Variants in NKTR observed in about 807,000 individuals in gnomAD.
NKTR encodes NK-tumor recognition protein.
NKTR carries 67 observed loss-of-function variants against 156.3 expected under a neutral mutation model. The observed-to-expected ratio is 0.43, with a 90% confidence interval of 0.35 to 0.53. The LOEUF (loss-of-function observed/expected upper bound fraction) is 0.53, where lower values mean the gene tolerates loss of function less well. Ranked by LOEUF, NKTR falls within the 20% of genes least tolerant of loss-of-function variation. The probability of loss-of-function intolerance (pLI) is 0.01; values close to 1 mark genes in which losing one functional copy is unlikely to be tolerated. For synonymous variants in NKTR, 640 were observed against 596.6 expected, an observed-to-expected ratio of 1.07 and a Z score of -1.06; for missense variants, 1,604 against 1,730.9, an observed-to-expected ratio of 0.93 and a Z score of 1.30.
intron 6 of NKTR, among the ~76,000 whole-genome samples, chr3:42,625,532 C>T (rs1708294920): frequency 6.6e-6 from 1 of 152,056 alleles, no homozygotes. Flanking sequence ...AGTAGTGGAG[C>T]AAGGAGAGTT....
At position 42,646,980 on chromosome 3, in the gene NKTR, T is replaced by A. The variant is rs1228732738; in HGVS notation, c.*1005T>A. ...TGTGTGCCTCTGGAAGAGTGAAGAA[T>A]GGACTTCAAAAGTAACATCAAAAAT... On this transcript the variant is annotated 3_prime_UTR_variant, in exon 17 of 17. Transcript: ENST00000232978. The A allele has an allele frequency of 6.6e-6, 1 of 152,072 alleles. No individual in the cohort carries two copies. The highest frequency in any genetic ancestry group is 6.5e-5 in the Admixed American group (1 of 15,268). The allele number at this position is 152,072 out of a possible 1,614,324, so 9.4% of individuals were successfully genotyped here.
chr3:42,611,693 A>G (rs936569736), intron 2 of NKTR, among the ~76,000 whole-genome samples: 10 of 148,538 alleles, frequency 6.7e-5, no homozygotes, highest in Admixed American at 4.7e-4. Flanking sequence ...AGATCGTGCC[A>G]CTGCACTCCA....
Position 42,639,341 on chromosome 3 carries a change from G to A in NKTR, c.3637G>A (p.Val1213Met). Residue 1213 changes from valine to methionine, a missense_variant, in exon 13 of 17, where the codon GTG becomes ATG. Transcript: ENST00000232978. ...SAGESTGKKEVAEKSQINLID... is the reference protein window; with the variant it reads ...SAGESTGKKEMAEKSQINLID... ...TGGAGAAAGTACCGGGAAGAAGGAGGTGGCTGAGAAGAGCCAGATCAACCT... is the reference window on the plus strand; with the variant it reads ...TGGAGAAAGTACCGGGAAGAAGGAGATGGCTGAGAAGAGCCAGATCAACCT... The A allele has an allele frequency of 6.2e-7, 1 of 1,610,566 alleles. No homozygotes were observed. The highest frequency in any genetic ancestry group is 8.5e-7 in the Non-Finnish European group (1 of 1,176,798).
intron 2 of NKTR, among the ~76,000 whole-genome samples, chr3:42,605,888 C>T (rs1219004682): frequency 1.3e-5 from 2 of 152,264 alleles, no homozygotes; most frequent in South Asian, 2.1e-4. Flanking sequence ...TTAAATAATG[C>T]CATCTTATAG....
chr3:42,640,434 A>G (rs1709785898), intron 13 of NKTR, among the ~76,000 whole-genome samples: 1 of 152,214 alleles, frequency 6.6e-6, no homozygotes, highest in Non-Finnish European at 1.5e-5. Context: ...GTTGTGTTGC[A>G]TTCTTTTTCT....
At chr3:42,633,870 T>G (rs760892044) in intron 10 of NKTR, 135 bp downstream of exon 10, 3 of 916,704 alleles carry the variant, frequency 3.3e-6, no homozygotes, top group Non-Finnish European at 5.1e-6. Context: ...GAGTATTAGA[T>G]TAATGAATGA....
At chr3:42,606,949 G>T (rs1350021587) in intron 2 of NKTR, among the ~76,000 whole-genome samples, 1 of 152,096 alleles carries the variant, frequency 6.6e-6, no homozygotes, top group Admixed American at 6.5e-5. Flanking sequence ...ATAGTGTGGT[G>T]TAGCCTCAAA....
At chr3:42,612,919 G>A (rs992307747) in intron 2 of NKTR, among the ~76,000 whole-genome samples, 2 of 151,630 alleles carry the variant, frequency 1.3e-5, no homozygotes, top group African/African-American at 4.8e-5. Context: ...ATTTTTTCCT[G>A]GTATGTAGTG....
chr3:42,630,952 A>G (rs1708844209), intron 7 of NKTR: 4 of 1,405,614 alleles, frequency 2.8e-6, no homozygotes, highest in Non-Finnish European at 3.7e-6. Flanking sequence ...GTTAAGAACC[A>G]TTGTTTTAAA....
At chr3:42,610,051 T>C (rs1028150115) in intron 2 of NKTR, among the ~76,000 whole-genome samples, 12 of 152,128 alleles carry the variant, frequency 7.9e-5, no homozygotes, top group African/African-American at 2.9e-4. Flanking sequence ...TTGCCCAGGC[T>C]GGAGTGCAAA....
rs1243987615 is a variant in NKTR at position 42,637,101 on chromosome 3, A to C, written c.1397A>C (p.Glu466Ala). Residue 466 changes from glutamate to alanine, a missense_variant, in exon 13 of 17, where the codon GAA becomes GCA. This residue lies in a region of NKTR where 1,255 missense variants were observed against 1,243.7 expected (regional missense o/e 1.01). Coordinates refer to ENST00000232978, the MANE Select transcript of NKTR (RefSeq NM_005385.4). ...KRRILIPSDI[E>A]SSKSSTRRMK... is the part of the protein sequence containing the mutation. ...AGGATTCTTATACCGTCTGACATAGAATCCTCAAAATCTTCCACTCGAAGA... is the reference window on the plus strand; with the variant it reads ...AGGATTCTTATACCGTCTGACATAGCATCCTCAAAATCTTCCACTCGAAGA... 6.2e-7 allele frequency: 1 copy of C among 1,606,826 alleles called. No homozygotes were observed. Among genetic ancestry groups the C allele is most frequent in the African/African-American group, 1.3e-5 (1 of 74,192 alleles).
chr3:42,632,781 G>A lies in NKTR; in HGVS notation c.731G>A (p.Ser244Asn). Residue 244 changes from serine (S) to asparagine (N), a missense_variant, in exon 9 of 17, where the codon AGT becomes AAT. Ser to Asn is a conservative substitution (Grantham distance 46). Around this residue, in one of 6 missense-constraint regions of NKTR, gnomAD observed 1,255 missense variants for 1,243.7 expected, o/e 1.01. Transcript: ENST00000232978. ...AAAAAGAGGCGAAAGGAAGCAAGCA[G>A]TTCAGAAGAGCCAAGGAATAAACAT... ...RSKKRRKEAS[S>N]SEEPRNKHAM... is the part of the protein sequence containing the mutation. 1 of 1,609,766 alleles carries A rather than the reference G, an allele frequency of 6.2e-7. No individual in the cohort carries two copies. The highest frequency in any genetic ancestry group is 1.1e-5 in the South Asian group (1 of 89,764).
At position 42,637,806 on chromosome 3, in the gene NKTR, C is replaced by G; in HGVS notation, c.2102C>G (p.Ser701Cys). 6.2e-7 allele frequency: 1 copy of G among 1,613,922 alleles called. No homozygotes were observed. Among genetic ancestry groups the G allele is most frequent in the African/African-American group, 1.3e-5 (1 of 75,048 alleles). ...RSRSRSSRSRSYSRSYTRSRS... is the reference protein window; with the variant it reads ...RSRSRSSRSRCYSRSYTRSRS... ...AGGAGCAGATCTTCTAGGAGTAGAT[C>G]TTATTCCAGATCATATACAAGATCA... is the stretch of plus-strand genomic sequence containing the variant. The change falls in exon 13 of 17, where the codon TCT becomes TGT. Residue 701 changes from serine to cysteine, a missense_variant. Ser to Cys is a moderately radical substitution (Grantham distance 112). This residue lies in a region of NKTR where 1,255 missense variants were observed against 1,243.7 expected (regional missense o/e 1.01). Transcript: ENST00000232978.
intron 13 of NKTR, among the ~76,000 whole-genome samples, chr3:42,641,563 T>G (rs1709885940): frequency 1.3e-5 from 2 of 152,158 alleles, no homozygotes; most frequent in Non-Finnish European, 2.9e-5. Context: ...TACATACTCA[T>G]GTACCTGCCA....
chr3:42,609,404 A>G lies in NKTR; in HGVS notation c.59-8166A>G, dbSNP rs147269698. Among the ~76,000 whole-genome samples, 445 of 152,340 alleles carry G rather than the reference A, an allele frequency of 2.9e-3. 2 individuals are homozygous for G. Among genetic ancestry groups the G allele is most frequent in the South Asian group, 0.02 (98 of 4,824 alleles). ...TAGGAATATAAGCTGAAGTATTAAT[A>G]ATTAGGGGTGAAGTGTCACAGTGTC... On this transcript the variant is annotated intron_variant, in intron 2 of 16. Coordinates refer to ENST00000232978, the MANE Select transcript of NKTR (RefSeq NM_005385.4).
intron 6 of NKTR, chr3:42,630,325 T>G (rs1708774027): frequency 1.2e-5 from 16 of 1,378,044 alleles, no homozygotes; most frequent in Middle Eastern, 2.6e-4. Flanking sequence ...CTAATAGAGA[T>G]GATTGTAATT....
intron 5 of NKTR, chr3:42,620,987 A>C: frequency 2.1e-6 from 2 of 941,586 alleles, no homozygotes; most frequent in Non-Finnish European, 2.5e-6. Context: ...AATTAAGTTG[A>C]ATAATAAATT....
chr3:42,628,004 T>C (rs1439230170), intron 6 of NKTR: 2 of 985,240 alleles, frequency 2.0e-6, no homozygotes, highest in Non-Finnish European at 2.4e-6. Flanking sequence ...TTTGTAACCC[T>C]CTTTGGCTAA....
intron 6 of NKTR, among the ~76,000 whole-genome samples, chr3:42,626,169 T>A (rs552828039): frequency 2.7e-5 from 4 of 149,576 alleles, no homozygotes; most frequent in African/African-American, 9.7e-5. Flanking sequence ...AGTCACTTAT[T>A]TTTTTTTTTT....
Sources: allele counts gnomAD v4.1 joint callset (sites outside exome capture counted in the v4.1 genomes callset), GRCh38; gene constraint gnomAD v4.1.1; regional missense constraint gnomAD v4.1.1; transcripts MANE v1.5; gene names NCBI Gene and HGNC (gene_info 2026-07-23, HGNC 2026-07-21).